The following CAMTA1 variants were observed in gnomAD, a reference collection of about 807,000 sequenced individuals.
The protein encoded by CAMTA1 is calmodulin binding transcription activator 1, also known as calmodulin-binding transcription activator 1.
A neutral mutation model predicts 170.9 loss-of-function variants in CAMTA1; 27 were observed. The observed-to-expected ratio is 0.16, with a 90% CI of 0.12 to 0.22. CAMTA1 has a LOEUF of 0.22. Among genes scored for constraint, CAMTA1 ranks in the 10% least tolerant of loss-of-function variants. The pLI, the probability that CAMTA1 is intolerant of heterozygous loss-of-function variation, is 1.00. For synonymous variants in CAMTA1, 833 were observed against 891.5 expected, an observed-to-expected ratio of 0.93 and a Z score of 1.17; for missense variants, 1,619 against 2,217.2, an observed-to-expected ratio of 0.73 and a Z score of 5.42.
At chr1:7,423,911 T>C (rs889104805) in intron 5 of CAMTA1, among the ~76,000 whole-genome samples, 1 of 152,132 alleles carries the variant, frequency 6.6e-6, no homozygotes, top group Non-Finnish European at 1.5e-5. Context: ...GAATGCTGCT[T>C]ACACCTTTAT....
chr1:7,607,631 T>G (rs1241298159), intron 6 of CAMTA1, among the ~76,000 whole-genome samples: 1 of 150,888 alleles, frequency 6.6e-6, no homozygotes, highest in Non-Finnish European at 1.5e-5. Flanking sequence ...AGATAAATAT[T>G]TGGATGGATA....
chr1:7,274,789 A>G (rs150616579), intron 5 of CAMTA1, among the ~76,000 whole-genome samples: 56 of 152,348 alleles, frequency 3.7e-4, no homozygotes, highest in African/African-American at 1.3e-3. Flanking sequence ...AAATTCCCAA[A>G]TATGTGGAAA....
chr1:7,353,525 A>G (rs1256318218), intron 5 of CAMTA1, among the ~76,000 whole-genome samples: 1 of 150,350 alleles, frequency 6.7e-6, no homozygotes, highest in Non-Finnish European at 1.5e-5. Flanking sequence ...TCCCAGGATC[A>G]AGCAATCTCC....
rs1216117098 is a variant in CAMTA1, at chr1:7,674,478, A to G, written c.2780-3121A>G. Among the ~76,000 whole-genome samples, 1 of 152,144 alleles carries G rather than the reference A, an allele frequency of 6.6e-6. No individual in the cohort carries two copies. The highest frequency in any genetic ancestry group is 1.5e-5 in the Non-Finnish European group (1 of 68,020). ...TCCTAAGAGGTCACCAGAACACAAA[A>G]GATGAAATTCAAAATGAAAGCCAGG... On this transcript the variant is annotated intron_variant, in intron 10 of 22. Coordinates refer to ENST00000303635, the MANE Select transcript of CAMTA1 (RefSeq NM_015215.4). The surrounding 1 kb of genome is among the most constrained non-coding windows in gnomAD (Gnocchi z 4.1).
At chr1:7,587,417 G>T (rs551333154) in intron 6 of CAMTA1, among the ~76,000 whole-genome samples, 3 of 152,064 alleles carry the variant, frequency 2.0e-5, no homozygotes, top group Non-Finnish European at 4.4e-5. Flanking sequence ...CTGCGTCTGC[G>T]GTGAGTCGGC....
chr1:7,059,997 G>A (rs554311019), intron 3 of CAMTA1, among the ~76,000 whole-genome samples: 1 of 152,274 alleles, frequency 6.6e-6, no homozygotes, highest in East Asian at 1.9e-4. Flanking sequence ...CTGGGCAGCC[G>A]CCACAGCTGC....
chr1:7,138,431 T>C (rs927477745), intron 4 of CAMTA1, among the ~76,000 whole-genome samples: 1 of 152,226 alleles, frequency 6.6e-6, no homozygotes, highest in Non-Finnish European at 1.5e-5. Flanking sequence ...CTAAAAAGAA[T>C]CACAAGATTT....
chr1:6,905,100 A>G (rs1205824542), intron 3 of CAMTA1, among the ~76,000 whole-genome samples: 2 of 150,628 alleles, frequency 1.3e-5, no homozygotes, highest in Non-Finnish European at 2.9e-5. Context: ...TGTGAACTTC[A>G]TGTTTTCTCC....
chr1:7,561,724 T>G lies in CAMTA1; in HGVS notation c.511-78676T>G, dbSNP rs150378027. On this transcript the variant is annotated intron_variant, in intron 6 of 22. Coordinates refer to ENST00000303635, the MANE Select transcript of CAMTA1 (RefSeq NM_015215.4). The surrounding 1 kb of genome is among the most constrained non-coding windows in gnomAD (Gnocchi z 5.3). ...AGCCCCCTAGGCCACTGTGTTAGAT[T>G]CTTCACGACGCCTGTCAGAGGCCAC... Among the ~76,000 whole-genome samples, 350 of 151,524 alleles carry G rather than the reference T, an allele frequency of 2.3e-3. 1 individual carries two copies. Among genetic ancestry groups the G allele is most frequent in the African/African-American group, 8.2e-3 (338 of 41,294 alleles).
At chr1:7,326,159 G>A (rs1047172805) in intron 5 of CAMTA1, among the ~76,000 whole-genome samples, 2 of 152,128 alleles carry the variant, frequency 1.3e-5, no homozygotes, top group African/African-American at 2.4e-5. Flanking sequence ...GCACCTGGCC[G>A]ACAGATCCAG....
At chr1:7,155,391 G>T (rs1209988362) in intron 4 of CAMTA1, among the ~76,000 whole-genome samples, 2 of 149,388 alleles carry the variant, frequency 1.3e-5, no homozygotes, top group East Asian at 1.9e-4. Context: ...CACCGTTGGG[G>T]GGGGGATTGG....
At chr1:7,243,815 A>C (rs1665306173) in intron 4 of CAMTA1, among the ~76,000 whole-genome samples, 2 of 152,180 alleles carry the variant, frequency 1.3e-5, no homozygotes, top group African/African-American at 4.8e-5. Context: ...TAAATTTTTC[A>C]GGACATAGGA....
intron 3 of CAMTA1, among the ~76,000 whole-genome samples, chr1:6,832,592 C>T (rs1650819799): frequency 1.3e-5 from 2 of 152,006 alleles, no homozygotes. Flanking sequence ...CTTCAGACTT[C>T]CTAAATGTGA....
chr1:7,130,973 G>C (rs1376612509), intron 4 of CAMTA1, among the ~76,000 whole-genome samples: 1 of 121,646 alleles, frequency 8.2e-6, no homozygotes. Context: ...TTTTTTTTTT[G>C]AGACGGATTC....
rs536245460 is a variant in CAMTA1, at chr1:7,256,287, C to T, written c.438+6661C>T. ...AGCAAGAGCAGCCCTAGGCCGGGCA[C>T]GGTGGCTCATGCCTGTAATCCCAGC... On this transcript the variant is annotated intron_variant, in intron 5 of 22. Coordinates refer to ENST00000303635, the MANE Select transcript of CAMTA1 (RefSeq NM_015215.4). Among the ~76,000 whole-genome samples, 299 of 151,870 alleles carry T rather than the reference C, an allele frequency of 2.0e-3. 1 individual carries two copies. Among genetic ancestry groups the T allele is most frequent in the African/African-American group, 6.7e-3 (278 of 41,392 alleles).
Position 7,532,096 on chromosome 1 carries a change from A to T in CAMTA1, c.510+64195A>T, listed in dbSNP as rs931954053. ...CAGGGGCGGCGAATGAGTGACAGAA[A>T]AGGAGGCAGGTGACTCCAGCGGTAC... is the stretch of plus-strand genomic sequence containing the variant. On this transcript the variant is annotated intron_variant, in intron 6 of 22. Transcript: ENST00000303635. The surrounding 1 kb of genome is among the most constrained non-coding windows in gnomAD (Gnocchi z 4.2). Among the ~76,000 whole-genome samples, 1 of 152,148 alleles carries T rather than the reference A, an allele frequency of 6.6e-6. No homozygotes were observed. Among genetic ancestry groups the T allele is most frequent in the African/African-American group, 2.4e-5 (1 of 41,438 alleles).
rs1458543876 is a variant in CAMTA1, at chr1:7,601,534, A to G, written c.511-38866A>G. 2.3e-4 allele frequency among the ~76,000 whole-genome samples: 34 copies of G among 146,528 alleles called. No individual in the cohort carries two copies. The East Asian group carries it at 3.8e-3, about 16-fold the overall frequency. ...CAGAGATGCTCCTCACTTCCCAGAC[A>G]GGGTGGCGGCCGGGCAGAGGCTGCA... On this transcript the variant is annotated intron_variant, in intron 6 of 22. Coordinates refer to ENST00000303635, the MANE Select transcript of CAMTA1 (RefSeq NM_015215.4).
chr1:7,069,690 C>G (rs1558052650), intron 3 of CAMTA1, among the ~76,000 whole-genome samples: 1 of 151,968 alleles, frequency 6.6e-6, no homozygotes, highest in Admixed American at 6.6e-5. Flanking sequence ...GCTGTGGCCT[C>G]TGAGAGTGGA....
chr1:7,420,084 C>A (rs1441473314), intron 5 of CAMTA1, among the ~76,000 whole-genome samples: 5 of 152,160 alleles, frequency 3.3e-5, no homozygotes, highest in African/African-American at 1.2e-4. Flanking sequence ...TTACTGAGAG[C>A]AACTGCCCCA....
Sources: allele counts gnomAD v4.1 joint callset (sites outside exome capture counted in the v4.1 genomes callset), GRCh38; gene constraint gnomAD v4.1.1; non-coding constraint Gnocchi (gnomAD v3.1); transcripts MANE v1.5; gene names NCBI Gene and HGNC (gene_info 2026-07-23, HGNC 2026-07-21).